Variants in FAM221A observed in about 807,000 individuals in gnomAD.
FAM221A encodes family with sequence similarity 221 member A.
Under a neutral mutation model 37.6 loss-of-function variants are expected in FAM221A, and 43 were observed. The ratio of observed to expected loss-of-function variants is 1.15; its 90% CI spans 0.90 to 1.48. The LOEUF is 1.48. Among genes scored for constraint, FAM221A ranks in the 40% most tolerant of loss-of-function variants. FAM221A has a pLI of 0.00. For missense variants in FAM221A, 361 were observed against 361.5 expected (o/e 1.00, Z 0.01); for synonymous variants, 135 against 132.9 (o/e 1.02, Z -0.11).
intron 2 of FAM221A, among the ~76,000 whole-genome samples, chr7:23,685,177 A>T (rs745810944): frequency 6.6e-6 from 1 of 152,252 alleles, no homozygotes. Context: ...TGAACCTGGG[A>T]GGTGAGGTTG....
chr7:23,680,470 G>A (rs568628501), intron 1 of FAM221A, among the ~76,000 whole-genome samples, 187 bp downstream of exon 1: 1 of 152,174 alleles, frequency 6.6e-6, no homozygotes, highest in Non-Finnish European at 1.5e-5. Flanking sequence ...GGGCCACGCG[G>A]TTCTATGCAG....
At chr7:23,684,423 T>C in intron 1 of FAM221A, 76 bp from the exon 2 acceptor site, 1 of 840,454 alleles carries the variant, frequency 1.2e-6, no homozygotes, top group South Asian at 2.0e-5. Context: ...TTATTTAATA[T>C]TTGCAGTGGC....
chr7:23,689,165 C>A, intron 2 of FAM221A, 104 bp from the exon 3 acceptor site: 1 of 696,042 alleles, frequency 1.4e-6, no homozygotes, highest in Non-Finnish European at 2.2e-6. Context: ...AATAATAAAG[C>A]AATAATAATT....
chr7:23,694,190 G>A (rs968939610), intron 4 of FAM221A: 2 of 152,140 alleles, frequency 1.3e-5, no homozygotes, highest in African/African-American at 2.4e-5. Flanking sequence ...TTTTATGGCT[G>A]CATAGTATTC....
intron 4 of FAM221A, 83 bp from the exon 5 acceptor site, chr7:23,698,109 C>A: frequency 5.0e-6 from 4 of 800,146 alleles, no homozygotes; most frequent in South Asian, 4.8e-5. Context: ...GCTGAGGTTC[C>A]AATTTATTTT....
chr7:23,690,199 A>ATATATATTTTTTT (rs774313037), intron 3 of FAM221A, among the ~76,000 whole-genome samples: 9 of 48,734 alleles, frequency 1.8e-4, no homozygotes, highest in African/African-American at 2.6e-4. Context: ...ATATATATAT[A>ATATATATTTTTTT]TTTTTTTTTT....
intron 2 of FAM221A, chr7:23,688,287 C>T (rs1784490325): frequency 6.6e-6 from 1 of 152,260 alleles, no homozygotes; most frequent in East Asian, 1.9e-4. Context: ...ACCTTGTGAT[C>T]TGCCCGCCTC....
rs34518648 is a variant in FAM221A at position 23,689,297 on chromosome 7, G to A, written c.268G>A (p.Ala90Thr). 0.072 allele frequency: 112,152 copies of A among 1,563,546 alleles called. 4,350 individuals carry two copies. Among genetic ancestry groups the A allele is most frequent in the East Asian group, 0.13 (5,774 of 43,812 alleles). The stretch of plus-strand genomic sequence containing the variant: ...TAAACAACATAAAACTGACTTGGAA[G>A]CGATTCCTCAGCAGTGCCCCATTGA... ...RYKQHKTDLEAIPQQCPIDLP... is the reference protein window; with the variant it reads ...RYKQHKTDLETIPQQCPIDLP... The change falls in exon 3 of 7, where the codon GCG becomes ACG. Residue 90 changes from alanine (A) to threonine (T), a missense_variant. Physicochemically the swap from Ala to Thr is moderately conservative, Grantham distance 58. Transcript: ENST00000344962.
chr7:23,681,301 G>A (rs902865622), intron 1 of FAM221A, among the ~76,000 whole-genome samples: 4 of 152,196 alleles, frequency 2.6e-5, no homozygotes, highest in Non-Finnish European at 5.9e-5. Context: ...TGGAGCTGGT[G>A]TTGACTGATA....
intron 4 of FAM221A, among the ~76,000 whole-genome samples, chr7:23,696,781 C>A (rs1351403574): frequency 6.6e-6 from 1 of 152,160 alleles, no homozygotes; most frequent in Admixed American, 6.5e-5. Flanking sequence ...GTTCTGATTT[C>A]AGGTATAGAG....
rs774003324 is a variant in FAM221A at position 23,689,386 on chromosome 7, C to T, written c.357C>T (p.Ser119=). 3.9e-5 allele frequency: 62 copies of T among 1,607,638 alleles called. 1 individual carries two copies. In the South Asian group the frequency reaches 6.7e-4, roughly 17 times the overall value. ...ACCTTTATGTCCCCTTGAATGGTAG[C>T]CAGCCCATTCGCTGCAGGTGCAAAC... ...RAYLYVPLNG[S]QPIRCRCKHF... is the part of the protein sequence containing the mutation. The change falls in exon 3 of 7, where the codon AGC becomes AGT. Residue 119 remains serine, a synonymous_variant. Coordinates refer to ENST00000344962, the MANE Select transcript of FAM221A (RefSeq NM_199136.5).
Position 23,688,932 on chromosome 7 carries a change from G to A in FAM221A, c.240-337G>A, listed in dbSNP as rs140862585. 6.7e-3 allele frequency: 1,076 copies of A among 161,192 alleles called. 15 individuals are homozygous for A. The highest frequency in any genetic ancestry group is 0.024 in the African/African-American group (1,008 of 41,880). The allele number at this position is 161,192 out of a possible 1,614,324, so 10.0% of individuals were successfully genotyped here. ...ATTACAGGCATGAGCCACTGCGCCC[G>A]GCCTGAACTTTTTCATACTCTTAGG... On this transcript the variant is annotated intron_variant, in intron 2 of 6. Transcript: ENST00000344962.
chr7:23,698,658 T>G (rs1785213196), intron 5 of FAM221A, among the ~76,000 whole-genome samples: 1 of 152,166 alleles, frequency 6.6e-6, no homozygotes, highest in Non-Finnish European at 1.5e-5. Flanking sequence ...TAACCATAGG[T>G]TAGCAGGGTT....
rs1258829524 is a variant in FAM221A, at chr7:23,700,785, G to A, written c.746-1G>A. The A allele has an allele frequency of 6.4e-7, 1 of 1,572,828 alleles. No homozygotes were observed. The highest frequency in any genetic ancestry group is 1.9e-5 in the Admixed American group (1 of 51,798). On this transcript the variant is annotated splice_acceptor_variant, in intron 5 of 6. Coordinates refer to ENST00000344962, the MANE Select transcript of FAM221A (RefSeq NM_199136.5). LOFTEE classifies it high-confidence loss of function. ...TTACTTAGATTTTTTTTCCTTGTTA[G>A]TAGGTACAAGTAGTCAAGTTTCTTC...
intron 4 of FAM221A, 136 bp from the exon 5 acceptor site, chr7:23,698,056 A>C: frequency 1.7e-6 from 1 of 590,204 alleles, no homozygotes; most frequent in Non-Finnish European, 2.9e-6. Flanking sequence ...CATTACACCC[A>C]GTCTAAAATT....
intron 5 of FAM221A, 86 bp from the exon 6 acceptor site, chr7:23,700,700 C>G (rs938882905): frequency 1.2e-6 from 1 of 802,844 alleles, no homozygotes; most frequent in Non-Finnish European, 1.9e-6. Flanking sequence ...ACATTATCAC[C>G]GAGCAGGAGA....
intron 1 of FAM221A, among the ~76,000 whole-genome samples, chr7:23,681,745 C>G (rs1347277865): frequency 2.0e-5 from 3 of 152,190 alleles, no homozygotes; most frequent in Non-Finnish European, 4.4e-5. Context: ...ACTTGCAACA[C>G]TTCCCTCTGA....
intron 1 of FAM221A, among the ~76,000 whole-genome samples, chr7:23,682,010 T>C (rs1784070119): frequency 6.6e-6 from 1 of 152,144 alleles, no homozygotes; most frequent in South Asian, 2.1e-4. Context: ...CCCTGACCAG[T>C]GTCCTGGCAT....
At chr7:23,696,628 A>G (rs1331290186) in intron 4 of FAM221A, among the ~76,000 whole-genome samples, 4 of 152,210 alleles carry the variant, frequency 2.6e-5, no homozygotes, top group Admixed American at 6.5e-5. Flanking sequence ...TGTGGCCACC[A>G]TTGTATATGC....
Sources: allele counts gnomAD v4.1 joint callset (sites outside exome capture counted in the v4.1 genomes callset), GRCh38; gene constraint gnomAD v4.1.1; transcripts MANE v1.5; gene names NCBI Gene and HGNC (gene_info 2026-07-23, HGNC 2026-07-21).